Variants in SPOCK3 observed in about 807,000 individuals in gnomAD.
SPOCK3 encodes the protein SPARC (osteonectin), cwcv and kazal like domains proteoglycan 3, also known as testican-3.
SPOCK3 carries 30 observed loss-of-function variants against 56.6 expected under a neutral mutation model. The ratio of observed to expected loss-of-function variants is 0.53; its 90% CI spans 0.40 to 0.72. The LOEUF (loss-of-function observed/expected upper bound fraction) is 0.72. Among genes scored for constraint, SPOCK3 ranks in the 30% least tolerant of loss-of-function variants. The probability of loss-of-function intolerance (pLI) is 0.00; values close to 1 mark genes in which losing one functional copy is unlikely to be tolerated. For missense variants in SPOCK3, 527 were observed against 530.0 expected (o/e 0.99, Z 0.06); for synonymous variants, 196 against 183.3 (o/e 1.07, Z -0.56).
intron 2 of SPOCK3, among the ~76,000 whole-genome samples, chr4:167,089,504 C>T (rs1181118640): frequency 2.6e-5 from 4 of 152,104 alleles, no homozygotes; most frequent in Non-Finnish European, 2.9e-5. Flanking sequence ...ATTTATATGG[C>T]TTTTATACAA....
At chr4:167,149,708 T>A (rs955510712) in intron 2 of SPOCK3, among the ~76,000 whole-genome samples, 37 of 152,206 alleles carry the variant, frequency 2.4e-4, no homozygotes, top group African/African-American at 8.4e-4. Flanking sequence ...AAGGTCTATA[T>A]ATCAGGATTT....
intron 7 of SPOCK3, among the ~76,000 whole-genome samples, chr4:166,788,062 A>G (rs1740927748): frequency 6.6e-6 from 1 of 152,092 alleles, no homozygotes; most frequent in South Asian, 2.1e-4. Flanking sequence ...CACACCAGTA[A>G]TCCCAGCTAT....
intron 6 of SPOCK3, among the ~76,000 whole-genome samples, chr4:166,828,282 T>C (rs983740305): frequency 2.1e-4 from 32 of 152,048 alleles, no homozygotes; most frequent in Non-Finnish European, 4.4e-4. Context: ...TGATACATTA[T>C]TTCTTCTACA....
chr4:167,205,321 T>G (rs1393799648), intron 2 of SPOCK3, among the ~76,000 whole-genome samples: 31 of 53,562 alleles, frequency 5.8e-4, no homozygotes, highest in African/African-American at 2.0e-3. Flanking sequence ...ATATTTTATA[T>G]ATATAATATA....
intron 4 of SPOCK3, among the ~76,000 whole-genome samples, chr4:166,986,544 A>C (rs1401905343): frequency 6.6e-6 from 1 of 152,086 alleles, no homozygotes; most frequent in Non-Finnish European, 1.5e-5. Context: ...AAGCCATCTT[A>C]CCATTTATAA....
At chr4:167,224,997 T>C (rs1047496632) in intron 2 of SPOCK3, among the ~76,000 whole-genome samples, 3 of 152,158 alleles carry the variant, frequency 2.0e-5, no homozygotes, top group African/African-American at 7.2e-5. Context: ...AATAGCATAA[T>C]TTAAATAATC....
intron 4 of SPOCK3, among the ~76,000 whole-genome samples, chr4:166,945,015 C>T (rs1022701824): frequency 1.3e-5 from 2 of 152,088 alleles, no homozygotes; most frequent in Non-Finnish European, 2.9e-5. Context: ...TGTTGCAGAC[C>T]CTTCACGCTG....
Position 166,915,597 on chromosome 4 carries a change from G to A in SPOCK3, c.351-2854C>T, listed in dbSNP as rs373469330. ...AAGGCCCCATTTAAGAGAGAGCAAC[G>A]TGTTTCTAAGAGAGAAATGAAGTCA... On this transcript the variant is annotated intron_variant, in intron 4 of 10. Transcript: ENST00000357545. Among the ~76,000 whole-genome samples, 91 of 152,220 alleles carry A rather than the reference G, an allele frequency of 6.0e-4. 1 individual carries two copies. The East Asian group carries it at 8.3e-3, about 14-fold the overall frequency.
intron 6 of SPOCK3, among the ~76,000 whole-genome samples, chr4:166,868,662 A>G (rs553193388): frequency 2.0e-5 from 3 of 152,296 alleles, no homozygotes; most frequent in African/African-American, 7.2e-5. Flanking sequence ...TAGCTTATGC[A>G]TACTTTTATC....
chr4:166,734,588 C>CGATA lies in SPOCK3; in HGVS notation c.*332_*333insTATC. 5.3e-6 allele frequency: 1 copy of CGATA among 187,304 alleles called. No homozygotes were observed. Among genetic ancestry groups the CGATA allele is most frequent in the Non-Finnish European group, 1.1e-5 (1 of 91,872 alleles). The allele number at this position is 187,304 out of a possible 1,614,324, so 11.6% of individuals were successfully genotyped here. On this transcript the variant is annotated 3_prime_UTR_variant, in exon 11 of 11. Transcript: ENST00000357545. ...TTATCTTTCAGAAAATTAACATGTA[C>CGATA]GATCCCAAGCACTAGCTGTCATTTT...
At chr4:166,957,051 C>T (rs1269053235) in intron 4 of SPOCK3, among the ~76,000 whole-genome samples, 1 of 152,052 alleles carries the variant, frequency 6.6e-6, no homozygotes, top group South Asian at 2.1e-4. Context: ...TCCAGGATTT[C>T]GAGACCAGCC....
intron 6 of SPOCK3, among the ~76,000 whole-genome samples, chr4:166,822,703 G>A (rs1165915511): frequency 6.6e-6 from 1 of 151,932 alleles, no homozygotes; most frequent in Non-Finnish European, 1.5e-5. Context: ...TTTTATTCTT[G>A]TAATTTATCA....
chr4:166,831,603 C>T (rs1746063290), intron 6 of SPOCK3, among the ~76,000 whole-genome samples: 1 of 151,820 alleles, frequency 6.6e-6, no homozygotes, highest in African/African-American at 2.4e-5. Context: ...ACAACATACT[C>T]TCATTATCCT....
chr4:167,213,918 A>G (rs532745768), intron 2 of SPOCK3, among the ~76,000 whole-genome samples: 5 of 152,286 alleles, frequency 3.3e-5, no homozygotes, highest in African/African-American at 1.2e-4. Flanking sequence ...AATCTATTGT[A>G]CTGTCACAAG....
Position 166,948,959 on chromosome 4 carries a change from C to G in SPOCK3, c.351-36216G>C, listed in dbSNP as rs1185790239. Among the ~76,000 whole-genome samples the G allele has an allele frequency of 2.0e-5, 3 of 152,280 alleles. No homozygotes were observed. The East Asian group carries it at 5.8e-4, about 29-fold the overall frequency. ...GTGTTTTCCAACTTGGTTCCATTCT[C>G]CCCATCACTTTCACGTACACCAATC... is the stretch of plus-strand genomic sequence containing the variant. On this transcript the variant is annotated intron_variant, in intron 4 of 10. Coordinates refer to ENST00000357545, the MANE Select transcript of SPOCK3 (RefSeq NM_001040159.2).
intron 4 of SPOCK3, among the ~76,000 whole-genome samples, chr4:166,928,410 C>T (rs150927971): frequency 1.2e-3 from 179 of 152,212 alleles, no homozygotes; most frequent in African/African-American, 3.9e-3. Context: ...AACTTTAATG[C>T]AGTAACTGGA....
chr4:166,976,385 C>A (rs1239711656), intron 4 of SPOCK3, among the ~76,000 whole-genome samples: 1 of 152,090 alleles, frequency 6.6e-6, no homozygotes, highest in East Asian at 1.9e-4. Context: ...TTTGCATGGC[C>A]CTATGCTTGC....
intron 7 of SPOCK3, among the ~76,000 whole-genome samples, chr4:166,775,793 G>A (rs1442257695): frequency 6.6e-6 from 1 of 152,156 alleles, no homozygotes; most frequent in Non-Finnish European, 1.5e-5. Context: ...ATGAATTTAA[G>A]AATATTTTGT....
chr4:167,160,334 G>C (rs1043958963), intron 2 of SPOCK3, among the ~76,000 whole-genome samples: 5 of 152,056 alleles, frequency 3.3e-5, no homozygotes, highest in African/African-American at 9.7e-5. Context: ...CAACTTAAAA[G>C]GGATGTGAAG....
Sources: allele counts gnomAD v4.1 joint callset (sites outside exome capture counted in the v4.1 genomes callset), GRCh38; gene constraint gnomAD v4.1.1; transcripts MANE v1.5; gene names NCBI Gene and HGNC (gene_info 2026-07-23, HGNC 2026-07-21).